ZDHHC11B: variants seen among roughly 807,000 people sequenced by gnomAD.
ZDHHC11B encodes the protein zDHHC palmitoyltransferase 11B (putative).
Under a neutral mutation model 42.3 loss-of-function variants are expected in ZDHHC11B, and 17 were observed. That is an observed-to-expected ratio of 0.40 (90% confidence interval 0.27 to 0.60). The LOEUF (loss-of-function observed/expected upper bound fraction) is 0.60. ZDHHC11B is among the 20% of genes least tolerant of loss of function. ZDHHC11B has a pLI of 0.41. For synonymous variants in ZDHHC11B, 123 were observed against 193.5 expected (o/e 0.64, Z 3.02); for missense variants, 262 against 463.2 (o/e 0.57, Z 3.99).
rs569531423 is a variant in ZDHHC11B, at chr5:716,507, A to G, written c.*7+294T>C. 4.6e-5 allele frequency among the ~76,000 whole-genome samples: 7 copies of G among 151,914 alleles called. No homozygotes were observed. The South Asian group carries it at 1.5e-3, about 32-fold the overall frequency. The stretch of plus-strand genomic sequence containing the variant: ...AGATCAGTACAATTGGGTGAAAATA[A>G]TTCTTAGTTTAGACTTAAAGGCAAG... On this transcript the variant is annotated intron_variant, in intron 13 of 13. Coordinates refer to ENST00000508859, the MANE Select transcript of ZDHHC11B (RefSeq NM_001351303.2).
In ZDHHC11B at chr5:711,502, TA is replaced by T. The variant is rs1741370563; in HGVS notation, c.*787del. On this transcript the variant is annotated 3_prime_UTR_variant, in exon 14 of 14. Coordinates refer to ENST00000508859, the MANE Select transcript of ZDHHC11B (RefSeq NM_001351303.2). ...AGTGCCATGTGCTTCCATTTCCCAG[TA>T]CTGTGCTCATATTTCCCAGTACTGT... 6.9e-6 allele frequency: 1 copy of T among 145,534 alleles called. No homozygotes were observed. The highest frequency in any genetic ancestry group is 2.8e-5 in the African/African-American group (1 of 36,156). 9.0% of individuals were successfully genotyped at this position (145,534 alleles called of 1,614,324 possible). A position where few individuals can be genotyped will look rare whatever the true frequency, so the allele number is the denominator to read the frequency against.
chr5:742,323 G>C (rs1187310641), intron 9 of ZDHHC11B, among the ~76,000 whole-genome samples: 1 of 146,604 alleles, frequency 6.8e-6, no homozygotes, highest in African/African-American at 2.5e-5. Flanking sequence ...GTTTGTTTAT[G>C]TTTTTGTTTG....
At chr5:744,980 CG>C (rs1744593813) in intron 9 of ZDHHC11B, among the ~76,000 whole-genome samples, 2 of 137,032 alleles carry the variant, frequency 1.5e-5, no homozygotes, top group Admixed American at 7.5e-5. Context: ...CTAGGAAGTC[CG>C]TGGTGCATGA....
intron 9 of ZDHHC11B, among the ~76,000 whole-genome samples, chr5:741,879 C>A (rs1744196729): frequency 9.6e-6 from 1 of 104,372 alleles, no homozygotes; most frequent in Admixed American, 1.2e-4. Context: ...AAACTGCTTT[C>A]CAATATGGTG....
At chr5:722,937 A>G (rs1326824266) in intron 12 of ZDHHC11B, among the ~76,000 whole-genome samples, 2 of 151,670 alleles carry the variant, frequency 1.3e-5, no homozygotes, top group Admixed American at 6.6e-5. Flanking sequence ...TAAAAAAAAA[A>G]TGAAAAAGTA....
chr5:733,276 C>T (rs1161274769), intron 11 of ZDHHC11B, among the ~76,000 whole-genome samples: 2 of 151,664 alleles, frequency 1.3e-5, no homozygotes, highest in Admixed American at 6.6e-5. Flanking sequence ...ATATGTGCAA[C>T]CACACACCAT....
chr5:720,780 G>T (rs1373521741), intron 12 of ZDHHC11B, among the ~76,000 whole-genome samples: 1 of 151,596 alleles, frequency 6.6e-6, no homozygotes, highest in Non-Finnish European at 1.5e-5. Flanking sequence ...AAGGGTGAGG[G>T]ATGGAGATGG....
chr5:752,537 T>C lies in ZDHHC11B; in HGVS notation c.504-1280A>G, dbSNP rs1745910967. The stretch of plus-strand genomic sequence containing the variant: ...ACCTCCTTTAATCCTTTCCATTGTA[T>C]TATGTTCACCTAAGCTTGTTTAAAT... On this transcript the variant is annotated intron_variant, in intron 6 of 13. Coordinates refer to ENST00000508859, the MANE Select transcript of ZDHHC11B (RefSeq NM_001351303.2). Among the ~76,000 whole-genome samples, 2 of 86,802 alleles carry C rather than the reference T, an allele frequency of 2.3e-5. 1 individual carries two copies. The highest frequency in any genetic ancestry group is 6.4e-5 in the African/African-American group (2 of 31,406). The allele number at this position is 86,802 out of a possible 152,430, so 56.9% of individuals were successfully genotyped here.
intron 8 of ZDHHC11B, among the ~76,000 whole-genome samples, chr5:746,913 C>T (rs565480150): frequency 3.2e-5 from 4 of 125,618 alleles, no homozygotes; most frequent in East Asian, 2.9e-4. Flanking sequence ...CATGTGGCCT[C>T]GGCCCAACCT....
At chr5:715,642 A>T (rs1741691856) in intron 13 of ZDHHC11B, among the ~76,000 whole-genome samples, 1 of 151,764 alleles carries the variant, frequency 6.6e-6, no homozygotes, top group African/African-American at 2.4e-5. Flanking sequence ...CTCCTGCCTC[A>T]TGAAGACCCC....
chr5:753,266 T>G (rs1430892476), intron 6 of ZDHHC11B, among the ~76,000 whole-genome samples: 1 of 128,626 alleles, frequency 7.8e-6, no homozygotes, highest in East Asian at 2.9e-4. Flanking sequence ...TCCTCAACTT[T>G]CCTCATCTTG....
At chr5:751,500 TGCAGAGGC>T (rs1745728020) in intron 6 of ZDHHC11B, among the ~76,000 whole-genome samples, 1 of 18,648 alleles carries the variant, frequency 5.4e-5, no homozygotes, top group African/African-American at 1.2e-4. Context: ...AGGTGGGGGG[TGCAGAGGC>T]AGGGGCAGGG....
At chr5:780,934 T>G (rs437965) in intron 1 of ZDHHC11B, among the ~76,000 whole-genome samples, 1 of 142,514 alleles carries the variant, frequency 7.0e-6, no homozygotes, top group Admixed American at 7.1e-5. Flanking sequence ...GTGGCCAGGT[T>G]ACCTGCGAGA....
chr5:720,871 A>G lies in ZDHHC11B; in HGVS notation c.1059-4006T>C, dbSNP rs541288573. Among the ~76,000 whole-genome samples the G allele has an allele frequency of 5.3e-5, 8 of 151,728 alleles. No homozygotes were observed. The South Asian group carries it at 1.7e-3, about 32-fold the overall frequency. On this transcript the variant is annotated intron_variant, in intron 12 of 13. Transcript: ENST00000508859. Reference sequence around the variant, plus strand: ...TACTCCTGTAATCCTAGCCTTTGGGAAGCTAAAGTGGGAGGATCATGTGAG... The same window carrying G: ...TACTCCTGTAATCCTAGCCTTTGGGGAGCTAAAGTGGGAGGATCATGTGAG...
In ZDHHC11B at chr5:722,662, C is replaced by T. The variant is rs1742276482; in HGVS notation, c.1059-5797G>A. On this transcript the variant is annotated intron_variant, in intron 12 of 13. Transcript: ENST00000508859. The stretch of plus-strand genomic sequence containing the variant: ...GCAATTGCACCACTAGGAATAGCCC[C>T]TGGAGAAATGGTTGCACCTGTACAA... Among the ~76,000 whole-genome samples the T allele has an allele frequency of 1.3e-5, 2 of 151,712 alleles. 1 individual carries two copies. Among genetic ancestry groups the T allele is most frequent in the African/African-American group, 4.9e-5 (2 of 41,138 alleles).
At chr5:731,361 G>C (rs1415944907) in intron 11 of ZDHHC11B, among the ~76,000 whole-genome samples, 5 of 149,612 alleles carry the variant, frequency 3.3e-5, no homozygotes, top group African/African-American at 1.2e-4. Context: ...GGGATTTCAG[G>C]TGTGAAGCTT....
chr5:772,740 C>G (rs1736160450), intron 1 of ZDHHC11B, among the ~76,000 whole-genome samples: 1 of 151,748 alleles, frequency 6.6e-6, no homozygotes, highest in African/African-American at 2.4e-5. Context: ...CCTTTCTGCA[C>G]CAAGGGGTGG....
At chr5:721,861 G>A (rs1297472423) in intron 12 of ZDHHC11B, among the ~76,000 whole-genome samples, 4 of 151,870 alleles carry the variant, frequency 2.6e-5, no homozygotes, top group Non-Finnish European at 5.9e-5. Context: ...AGAAATTAGT[G>A]CAGGGATAGA....
chr5:777,940 C>A (rs970755616), intron 1 of ZDHHC11B, among the ~76,000 whole-genome samples: 1 of 151,770 alleles, frequency 6.6e-6, no homozygotes, highest in Non-Finnish European at 1.5e-5. Context: ...CTCGGCATGG[C>A]GGTCGGCGGG....
Sources: allele counts gnomAD v4.1 joint callset (sites outside exome capture counted in the v4.1 genomes callset), GRCh38; gene constraint gnomAD v4.1.1; transcripts MANE v1.5; gene names NCBI Gene and HGNC (gene_info 2026-07-23, HGNC 2026-07-21).